CDS2: variants seen among roughly 807,000 people sequenced by gnomAD.
The protein encoded by CDS2 is CDP-diacylglycerol synthase 2, also known as phosphatidate cytidylyltransferase 2.
In CDS2, 47 loss-of-function variants were observed where a neutral mutation model predicts 59.0. The observed-to-expected ratio is 0.80, with a 90% CI of 0.63 to 1.02. CDS2 has a LOEUF of 1.02. Among genes scored for constraint, CDS2 ranks in the 50% least tolerant of loss-of-function variants. The pLI is 0.00. For missense variants in CDS2, 356 were observed against 558.9 expected (o/e 0.64, Z 3.66); for synonymous variants, 207 against 206.4 (o/e 1.00, Z -0.02).
intron 10 of CDS2, among the ~76,000 whole-genome samples, chr20:5,188,131 GTGTCT>G (rs1178280171): frequency 6.6e-6 from 1 of 152,008 alleles, no homozygotes; most frequent in African/African-American, 2.4e-5. Context: ...ATAATGAAAT[GTGTCT>G]ACATTTGGAA....
At chr20:5,154,828 A>G (rs933367049) in intron 1 of CDS2, among the ~76,000 whole-genome samples, 6 of 152,068 alleles carry the variant, frequency 3.9e-5, no homozygotes, top group African/African-American at 1.4e-4. Context: ...TTGCATTTTT[A>G]GTAGAGATGT....
At chr20:5,163,541 G>T (rs897664484) in intron 1 of CDS2, among the ~76,000 whole-genome samples, 1 of 151,526 alleles carries the variant, frequency 6.6e-6, no homozygotes, top group Admixed American at 6.6e-5. Flanking sequence ...GATTATAGGC[G>T]TGAGCCACTG....
chr20:5,179,308 G>C (rs1243437915), intron 5 of CDS2, among the ~76,000 whole-genome samples: 2 of 152,192 alleles, frequency 1.3e-5, no homozygotes, highest in African/African-American at 4.8e-5. Context: ...TTTTAGTAGA[G>C]ACCGAGTTTC....
intron 1 of CDS2, among the ~76,000 whole-genome samples, chr20:5,142,528 A>T (rs1314849159): frequency 6.6e-6 from 1 of 152,224 alleles, no homozygotes; most frequent in Non-Finnish European, 1.5e-5. Context: ...AAGAGAAAGA[A>T]TTGAAGTTAT....
At chr20:5,179,648 G>A (rs16990712) in intron 5 of CDS2, among the ~76,000 whole-genome samples, 8,617 of 152,232 alleles carry the variant, frequency 0.057, 832 homozygotes, top group African/African-American at 0.2. Flanking sequence ...GTAGCATGGT[G>A]GAAATTTTAC....
intron 1 of CDS2, among the ~76,000 whole-genome samples, chr20:5,169,579 C>T (rs564006112): frequency 1.2e-4 from 19 of 152,284 alleles, no homozygotes; most frequent in African/African-American, 4.6e-4. Flanking sequence ...GACACACTGC[C>T]GTGTCTGACA....
At position 5,131,744 on chromosome 20, in the gene CDS2, C is replaced by T. The variant is rs560888487; in HGVS notation, c.57+4595C>T. On this transcript the variant is annotated intron_variant, in intron 1 of 12. Transcript: ENST00000460006. ...TTACATCTACCTTGAGCCTGGGCTC[C>T]GCCACATAAAGGCTGTGTAACTTTG... is the stretch of plus-strand genomic sequence containing the variant. 7.2e-5 allele frequency among the ~76,000 whole-genome samples: 11 copies of T among 152,304 alleles called. No individual in the cohort carries two copies. The South Asian group carries it at 8.3e-4, about 11-fold the overall frequency.
intron 3 of CDS2, 127 bp downstream of exon 3, chr20:5,175,406 G>A: frequency 1.4e-6 from 1 of 712,442 alleles, no homozygotes; most frequent in Non-Finnish European, 2.5e-6. Flanking sequence ...GAAAACCTCT[G>A]CCATAGAACA....
chr20:5,185,901 A>G, intron 9 of CDS2, 75 bp downstream of exon 9: 2 of 1,388,280 alleles, frequency 1.4e-6, no homozygotes, highest in South Asian at 1.2e-5. Context: ...GCCTGTCCAG[A>G]GCTGGAGAGT....
At chr20:5,158,161 G>C (rs1321833851) in intron 1 of CDS2, among the ~76,000 whole-genome samples, 1 of 146,114 alleles carries the variant, frequency 6.8e-6, no homozygotes, top group African/African-American at 2.5e-5. Flanking sequence ...TCCTGCTTTA[G>C]GTCTTTTTTT....
In CDS2 at chr20:5,142,563, TTAAA is replaced by T. The variant is rs369389695; in HGVS notation, c.57+15415_57+15418del. On this transcript the variant is annotated intron_variant, in intron 1 of 12. Transcript: ENST00000460006. Reference sequence around the variant, plus strand: ...TTGGGTAAATTTGAATATTGGATATTTAAAATAAAGGAATTGTTAATTTTTTAGG... The same window carrying T: ...TTGGGTAAATTTGAATATTGGATATTATAAAGGAATTGTTAATTTTTTAGG... Among the ~76,000 whole-genome samples, 239 of 152,360 alleles carry T rather than the reference TTAAA, an allele frequency of 1.6e-3. 4 individuals are homozygous for T. The East Asian group carries it at 0.035, about 22-fold the overall frequency.
intron 1 of CDS2, among the ~76,000 whole-genome samples, chr20:5,166,563 A>G (rs965307137): frequency 2.0e-5 from 3 of 152,168 alleles, no homozygotes; most frequent in African/African-American, 7.2e-5. Context: ...ACCAACCCCA[A>G]GGAACCCTCA....
At position 5,134,983 on chromosome 20, in the gene CDS2, C is replaced by T. The variant is rs115295136; in HGVS notation, c.57+7834C>T. On this transcript the variant is annotated intron_variant, in intron 1 of 12. Coordinates refer to ENST00000460006, the MANE Select transcript of CDS2 (RefSeq NM_003818.4). ...TACTAATGTAAAGCATTTCTCCTCC[C>T]TCACTTTATTCTCAACCTTACAACT... Among the ~76,000 whole-genome samples the T allele has an allele frequency of 3.5e-3, 535 of 152,278 alleles. 2 individuals are homozygous for T. Among genetic ancestry groups the T allele is most frequent in the African/African-American group, 0.012 (516 of 41,560 alleles).
At chr20:5,189,963 C>T in intron 12 of CDS2, 125 bp downstream of exon 12, 1 of 1,362,054 alleles carries the variant, frequency 7.3e-7, no homozygotes, top group Non-Finnish European at 1.0e-6. Flanking sequence ...GTTGTTTCTG[C>T]TTACAGATTT....
In CDS2 at chr20:5,197,050, G is replaced by A. The variant is rs895354619; in HGVS notation, c.*6816G>A. The A allele has an allele frequency of 3.9e-5, 6 of 152,174 alleles. No individual in the cohort carries two copies. Among genetic ancestry groups the A allele is most frequent in the South Asian group, 2.1e-4 (1 of 4,816 alleles). The allele number at this position is 152,174 out of a possible 1,614,324, so 9.4% of individuals were successfully genotyped here. Reference sequence around the variant, plus strand: ...CGCTCGCTGGCCCTGGATGTCATACGAGTTGGGGACCAGAAATCTGGGCTC... The same window carrying A: ...CGCTCGCTGGCCCTGGATGTCATACAAGTTGGGGACCAGAAATCTGGGCTC... On this transcript the variant is annotated 3_prime_UTR_variant, in exon 13 of 13. Transcript: ENST00000460006.
Position 5,175,218 on chromosome 20 carries a change from T to C in CDS2, c.230T>C (p.Leu77Ser). ...TGGTGGGTGAGAGGCATCCTGACTT[T>C]GGCCATGATTGCATTTTTCTTCATC... Reference protein sequence around the residue: ...KNWWVRGILTLAMIAFFFIII... With the variant: ...KNWWVRGILTSAMIAFFFIII... Residue 77 changes from leucine to serine, a missense_variant, in exon 3 of 13, where the codon TTG (leucine) becomes TCG (serine). Physicochemically the swap from Leu to Ser is moderately radical, Grantham distance 145 (BLOSUM62 -2). This residue lies in a region of CDS2 where 107 missense variants were observed against 129.7 expected (regional missense o/e 0.82). Coordinates refer to ENST00000460006, the MANE Select transcript of CDS2 (RefSeq NM_003818.4). The C allele has an allele frequency of 6.2e-7, 1 of 1,614,190 alleles. No individual in the cohort carries two copies. The highest frequency in any genetic ancestry group is 8.5e-7 in the Non-Finnish European group (1 of 1,180,002).
At chr20:5,159,220 A>G (rs1395274166) in intron 1 of CDS2, among the ~76,000 whole-genome samples, 1 of 151,974 alleles carries the variant, frequency 6.6e-6, no homozygotes, top group Non-Finnish European at 1.5e-5. Flanking sequence ...GTACATGTGC[A>G]CAACGTGCAG....
chr20:5,127,225 G>A, intron 1 of CDS2, 76 bp downstream of exon 1: 1 of 1,309,296 alleles, frequency 7.6e-7, no homozygotes, highest in Non-Finnish European at 1.0e-6. Context: ...CGCGCAGAGG[G>A]GTCGTCTTGT....
chr20:5,184,367 G>T lies in CDS2; in HGVS notation c.672-491G>T, dbSNP rs117152068. Among the ~76,000 whole-genome samples, 212 of 152,254 alleles carry T rather than the reference G, an allele frequency of 1.4e-3. No individual in the cohort carries two copies. The highest frequency in any genetic ancestry group is 2.7e-3 in the Admixed American group (41 of 15,296). On this transcript the variant is annotated intron_variant, in intron 7 of 12. Transcript: ENST00000460006. This position sits in a 1 kb window ranked among gnomAD's most constrained non-coding sequence, Gnocchi z 4.3. The stretch of plus-strand genomic sequence containing the variant: ...ACACTCAAATACAGTCCTGGGGAAA[G>T]ATAGGGCCAACTAGAGCTAGTAATA...
Sources: allele counts gnomAD v4.1 joint callset (sites outside exome capture counted in the v4.1 genomes callset), GRCh38; gene constraint gnomAD v4.1.1; regional missense constraint gnomAD v4.1.1; non-coding constraint Gnocchi (gnomAD v3.1); transcripts MANE v1.5; gene names NCBI Gene and HGNC (gene_info 2026-07-23, HGNC 2026-07-21).